EDN1: variants seen among roughly 807,000 people sequenced by gnomAD.
EDN1 encodes the protein endothelin 1.
A neutral mutation model predicts 21.7 loss-of-function variants in EDN1; 11 were observed. That is an observed-to-expected ratio of 0.51 (90% confidence interval 0.32 to 0.84). EDN1 has a LOEUF of 0.84. Among genes scored for constraint, EDN1 ranks in the 40% least tolerant of loss-of-function variants. The probability of loss-of-function intolerance (pLI) is 0.03; values close to 1 mark genes in which losing one functional copy is unlikely to be tolerated. For synonymous variants in EDN1, 85 were observed against 90.6 expected, an observed-to-expected ratio of 0.94 and a Z score of 0.35; for missense variants, 244 against 262.3, an observed-to-expected ratio of 0.93 and a Z score of 0.48.
At chr6:12,250,514 G>C in the EDN1 span, among the ~76,000 whole-genome samples, 1,665 of 152,214 alleles carry the variant, frequency 0.011, 125 homozygotes, top group East Asian at 0.2. Flanking sequence ...GGATTGCTAA[G>C]AGTTTGTTAT....
chr6:12,246,106 T>C, the EDN1 span, among the ~76,000 whole-genome samples: 3 of 152,348 alleles, frequency 2.0e-5, no homozygotes, highest in South Asian at 4.1e-4. Context: ...CCTACTCATA[T>C]GGCTCTTGAA....
chr6:12,276,117 G>A, the EDN1 span, among the ~76,000 whole-genome samples: 92 of 137,816 alleles, frequency 6.7e-4, 1 homozygote, highest in African/African-American at 1.9e-3. Context: ...AGCCGAGGTC[G>A]CGCCACTGCA....
the EDN1 span, among the ~76,000 whole-genome samples, chr6:12,274,355 A>G: frequency 6.6e-6 from 1 of 152,228 alleles, no homozygotes; most frequent in Non-Finnish European, 1.5e-5. Context: ...TTCTAAGAGT[A>G]AATTGGTTGA....
the EDN1 span, among the ~76,000 whole-genome samples, chr6:12,272,994 C>A: frequency 1.3e-5 from 2 of 152,158 alleles, no homozygotes; most frequent in African/African-American, 4.8e-5. Flanking sequence ...TAATGGGGAT[C>A]TAGGCAGGAA....
At chr6:12,263,103 G>A in the EDN1 span, among the ~76,000 whole-genome samples, 5 of 152,162 alleles carry the variant, frequency 3.3e-5, no homozygotes, top group African/African-American at 9.6e-5. Flanking sequence ...AAAAATATTT[G>A]CATTTTAAAT....
At chr6:12,270,831 T>A in the EDN1 span, among the ~76,000 whole-genome samples, 1 of 152,212 alleles carries the variant, frequency 6.6e-6, no homozygotes, top group Non-Finnish European at 1.5e-5. Context: ...TCTTTGTTGA[T>A]TTTCTGTCTG....
chr6:12,258,231 C>T, the EDN1 span, among the ~76,000 whole-genome samples: 1 of 150,984 alleles, frequency 6.6e-6, no homozygotes, highest in Admixed American at 6.6e-5. Context: ...GCCGGAAGAT[C>T]ATCTGAGGCC....
At chr6:12,295,895 ATGTTT>A in intron 4 of EDN1, 62 bp from the exon 5 acceptor site, 1 of 1,514,932 alleles carries the variant, frequency 6.6e-7, no homozygotes, top group Non-Finnish European at 9.1e-7. Flanking sequence ...CTAATTTTAC[ATGTTT>A]CTTTTGCCAA....
chr6:12,284,734 AG>A, the EDN1 span, among the ~76,000 whole-genome samples: 2,156 of 133,746 alleles, frequency 0.016, 17 homozygotes, highest in Middle Eastern at 0.04. Flanking sequence ...GAAGGAAGGA[AG>A]GAAGGAAGGA....
chr6:12,294,212 A>C (rs750362973), intron 3 of EDN1, 49 bp from the exon 4 acceptor site: 5 of 1,613,774 alleles, frequency 3.1e-6, no homozygotes, highest in South Asian at 1.1e-5. Flanking sequence ...AGTCAGGGTA[A>C]AGCTGAATAT....
the EDN1 span, among the ~76,000 whole-genome samples, chr6:12,269,612 TG>T: frequency 5.8e-4 from 89 of 152,166 alleles, no homozygotes; most frequent in African/African-American, 1.8e-3. Flanking sequence ...TAATGTTTAT[TG>T]ATTTAGGTAT....
chr6:12,258,448 T>TAAAAAAAA, the EDN1 span, among the ~76,000 whole-genome samples: 476 of 27,702 alleles, frequency 0.017, 79 homozygotes, highest in African/African-American at 0.03. Context: ...AGATCATGTC[T>TAAAAAAAA]CAAAAAAAAA....
At chr6:12,262,741 G>A in the EDN1 span, among the ~76,000 whole-genome samples, 3 of 151,834 alleles carry the variant, frequency 2.0e-5, no homozygotes, top group Non-Finnish European at 2.9e-5. Context: ...GCGTGGTTGT[G>A]GGCACCTGTA....
In EDN1 at chr6:12,290,607, G is replaced by GT. The variant is rs771918374; in HGVS notation, c.-18dup. On this transcript the variant is annotated 5_prime_UTR_variant, in exon 1 of 5. Coordinates refer to ENST00000379375, the MANE Select transcript of EDN1 (RefSeq NM_001955.5). ...CCTTTGGGTTCAGTTTGAACGGGAG[G>GT]TTTTTGATCCCTTTTTTTCAGAATG... 19 of 1,612,688 alleles carry GT rather than the reference G, an allele frequency of 1.2e-5. No individual in the cohort carries two copies. The East Asian group carries it at 1.6e-4, about 13-fold the overall frequency.
chr6:12,241,167 T>TTTC, the EDN1 span, among the ~76,000 whole-genome samples: 247 of 73,164 alleles, frequency 3.4e-3, 1 homozygote, highest in African/African-American at 6.8e-3. Flanking sequence ...TCTTTCTTTC[T>TTTC]TTTTTTTTTT....
At chr6:12,269,184 T>C in the EDN1 span, among the ~76,000 whole-genome samples, 2 of 152,154 alleles carry the variant, frequency 1.3e-5, no homozygotes, top group African/African-American at 2.4e-5. Context: ...GAATTTTGCA[T>C]CCTGAAACTT....
chr6:12,231,277 T>A, the EDN1 span, among the ~76,000 whole-genome samples: 1 of 152,184 alleles, frequency 6.6e-6, no homozygotes, highest in African/African-American at 2.4e-5. Flanking sequence ...TTGGCATTTT[T>A]AATTGTAAAA....
chr6:12,289,973 C>A (rs529324991), upstream of EDN1, among the ~76,000 whole-genome samples: 4 of 152,256 alleles, frequency 2.6e-5, no homozygotes, highest in East Asian at 7.7e-4. Flanking sequence ...CCGCACACAA[C>A]AATACAATCT....
the EDN1 span, among the ~76,000 whole-genome samples, chr6:12,248,656 AC>A: frequency 1.3e-5 from 2 of 152,210 alleles, no homozygotes; most frequent in Non-Finnish European, 2.9e-5. Flanking sequence ...TTGATACATT[AC>A]ACTAAGCTTC....
Sources: gnomAD v4.1 joint callset for allele counts (sites outside exome capture counted in the v4.1 genomes callset) on GRCh38, gnomAD v4.1.1 for gene constraint, MANE v1.5 for transcripts, NCBI Gene and HGNC (gene_info 2026-07-23, HGNC 2026-07-21) for gene names.